IL1RAPL1: variants seen among roughly 807,000 people sequenced by gnomAD.
IL1RAPL1 encodes interleukin 1 receptor accessory protein like 1, also known as interleukin-1 receptor accessory protein-like 1.
In IL1RAPL1, 3 loss-of-function variants were observed where a neutral mutation model predicts 48.4. The observed-to-expected ratio is 0.06, with a 90% CI of 0.03 to 0.16. IL1RAPL1 has a LOEUF of 0.16. Among genes scored for constraint, IL1RAPL1 ranks in the 10% least tolerant of loss-of-function variants. IL1RAPL1 has a pLI of 1.00. For missense variants in IL1RAPL1, 349 were observed against 530.6 expected, an observed-to-expected ratio of 0.66 and a Z score of 3.36; for synonymous variants, 185 against 187.7, an observed-to-expected ratio of 0.99 and a Z score of 0.12.
At chrX:29,770,518 C>T (rs1035428892) in intron 6 of IL1RAPL1, among the ~76,000 whole-genome samples, 61 of 111,901 alleles carry the variant, frequency 5.5e-4, no homozygotes, top group African/African-American at 1.8e-3. Context: ...ATCATAAGCT[C>T]TTTCAAGGAT....
intron 6 of IL1RAPL1, among the ~76,000 whole-genome samples, chrX:29,677,415 A>G (rs1351426091): frequency 1.8e-5 from 2 of 111,963 alleles, no homozygotes; most frequent in African/African-American, 6.5e-5. Flanking sequence ...TGTCAGGTTT[A>G]AGAGGCTCTG....
At chrX:29,204,780 C>A (rs1421109634) in intron 2 of IL1RAPL1, among the ~76,000 whole-genome samples, 1 of 111,490 alleles carries the variant, frequency 9.0e-6, no homozygotes, top group East Asian at 2.8e-4. Flanking sequence ...ATATTTACTC[C>A]CATTTTGCAG....
intron 1 of IL1RAPL1, among the ~76,000 whole-genome samples, chrX:28,718,885 T>C (rs1049200013): frequency 1.8e-5 from 2 of 111,399 alleles, no homozygotes; most frequent in Non-Finnish European, 3.8e-5. Context: ...TTGACTCTTA[T>C]TTGGTCCCAC....
intron 2 of IL1RAPL1, among the ~76,000 whole-genome samples, chrX:28,819,967 G>GAGATATAT (rs1234558581): frequency 3.7e-5 from 1 of 26,735 alleles, no homozygotes; most frequent in African/African-American, 8.4e-5. Context: ...TAAACATAGT[G>GAGATATAT]ATATATATAT....
At chrX:28,982,816 C>A (rs1344812662) in intron 2 of IL1RAPL1, 2 of 111,003 alleles carry the variant, frequency 1.8e-5, no homozygotes, top group Non-Finnish European at 3.8e-5. Context: ...TACCATCATG[C>A]ATCTTTCTTT....
intron 2 of IL1RAPL1, among the ~76,000 whole-genome samples, chrX:29,154,265 T>C (rs1363724582): frequency 9.0e-6 from 1 of 111,548 alleles, no homozygotes; most frequent in African/African-American, 3.3e-5. Context: ...GTGGGCCAGG[T>C]GCGGTGGTTC....
At chrX:29,815,940 A>C (rs1930482084) in intron 6 of IL1RAPL1, among the ~76,000 whole-genome samples, 1 of 111,445 alleles carries the variant, frequency 9.0e-6, no homozygotes, top group East Asian at 2.8e-4. Flanking sequence ...TTCCAGAAAT[A>C]AAGCCTACTA....
intron 6 of IL1RAPL1, among the ~76,000 whole-genome samples, chrX:29,884,770 G>A (rs1288993659): frequency 8.1e-5 from 9 of 111,371 alleles, no homozygotes; most frequent in East Asian, 2.8e-4. Context: ...TCTCAGGGAC[G>A]GTAACTCCAG....
intron 2 of IL1RAPL1, among the ~76,000 whole-genome samples, chrX:29,106,751 T>C (rs1183454269): frequency 8.9e-6 from 1 of 112,208 alleles, no homozygotes. Context: ...TTTTCCAATA[T>C]ACTGTGTTCT....
intron 1 of IL1RAPL1, among the ~76,000 whole-genome samples, chrX:28,700,907 T>C (rs1297901503): frequency 2.7e-5 from 3 of 111,884 alleles, no homozygotes; most frequent in Non-Finnish European, 5.6e-5. Flanking sequence ...GGCTACATAG[T>C]TTTCCATGGT....
rs60539139 is a variant in IL1RAPL1 at position 29,230,504 on chromosome X, C to CAAAAA, written c.83-52407_83-52403dup. Among the ~76,000 whole-genome samples, 17 of 16,591 alleles carry CAAAAA rather than the reference C, an allele frequency of 1.0e-3. 3 individuals are homozygous for CAAAAA. The highest frequency in any genetic ancestry group is 3.4e-3 in the African/African-American group (12 of 3,486). The allele number at this position is 16,591 out of a possible 115,157, so 14.4% of individuals were successfully genotyped here. On this transcript the variant is annotated intron_variant, in intron 2 of 10. Transcript: ENST00000378993. Reference sequence around the variant, plus strand: ...TGCTCTATCATTATGGTCCCTTTACCAAAAAAAAAAAAAAAAAAAAAAAAA... The same window carrying CAAAAA: ...TGCTCTATCATTATGGTCCCTTTACCAAAAAAAAAAAAAAAAAAAAAAAAAAAAAA...
At chrX:29,374,096 C>CT (rs1569297492) in intron 3 of IL1RAPL1, among the ~76,000 whole-genome samples, 1 of 103,940 alleles carries the variant, frequency 9.6e-6, no homozygotes, top group Non-Finnish European at 1.9e-5. Context: ...CTGAAGTTTT[C>CT]TTTTTTTGTC....
At chrX:28,629,146 A>G (rs748149483) in intron 1 of IL1RAPL1, among the ~76,000 whole-genome samples, 1 of 111,757 alleles carries the variant, frequency 8.9e-6, no homozygotes, top group East Asian at 2.8e-4. Flanking sequence ...CTCATAACAC[A>G]CTTAGGGGGC....
At chrX:29,861,866 G>A (rs942140385) in intron 6 of IL1RAPL1, among the ~76,000 whole-genome samples, 1 of 110,798 alleles carries the variant, frequency 9.0e-6, no homozygotes, top group Non-Finnish European at 1.9e-5. Flanking sequence ...AAAATGTTCA[G>A]TCTTGGTCCA....
chrX:29,758,108 T>C (rs1928663534), intron 6 of IL1RAPL1, among the ~76,000 whole-genome samples: 2 of 111,936 alleles, frequency 1.8e-5, no homozygotes, highest in African/African-American at 6.5e-5. Context: ...ATCTAGCTAT[T>C]CATCAAGTAG....
intron 5 of IL1RAPL1, among the ~76,000 whole-genome samples, chrX:29,560,774 T>C (rs927652999): frequency 2.7e-5 from 3 of 112,397 alleles, no homozygotes; most frequent in African/African-American, 9.7e-5. Flanking sequence ...TTTTGTTCAT[T>C]TGCCTATCTG....
intron 5 of IL1RAPL1, among the ~76,000 whole-genome samples, chrX:29,457,994 G>T (rs1220233205): frequency 9.0e-6 from 1 of 111,728 alleles, no homozygotes; most frequent in East Asian, 2.8e-4. Context: ...TACATCCTTT[G>T]ATCTCGAACT....
chrX:29,562,046 ATCTATC>A (rs1168541872), intron 5 of IL1RAPL1, among the ~76,000 whole-genome samples: 2 of 97,505 alleles, frequency 2.1e-5, no homozygotes, highest in African/African-American at 7.9e-5. Flanking sequence ...CTATCTATCT[ATCTATC>A]TATCTATCTA....
At chrX:29,333,964 CGGGCGGGGGGCTG>C in intron 3 of IL1RAPL1, among the ~76,000 whole-genome samples, 1 of 91,777 alleles carries the variant, frequency 1.1e-5, no homozygotes, top group Admixed American at 1.1e-4. Context: ...GGCGGCTGGC[CGGGCGGGGGGCTG>C]ACCCCCCCAC....
Sources: gnomAD v4.1 joint callset for allele counts (sites outside exome capture counted in the v4.1 genomes callset) on GRCh38, gnomAD v4.1.1 for gene constraint, MANE v1.5 for transcripts, NCBI Gene and HGNC (gene_info 2026-07-23, HGNC 2026-07-21) for gene names.